The following PRPF18 variants were observed in gnomAD, a reference collection of about 807,000 sequenced individuals.
PRPF18 encodes the protein pre-mRNA-splicing factor 18.
Under a neutral mutation model 46.5 loss-of-function variants are expected in PRPF18, and 38 were observed. The ratio of observed to expected loss-of-function variants is 0.82; its 90% CI spans 0.63 to 1.07. The LOEUF (loss-of-function observed/expected upper bound fraction) is 1.07, where lower values mean the gene tolerates loss of function less well. PRPF18 is among the 50% of genes least tolerant of loss of function. PRPF18 has a pLI of 0.00. For synonymous variants in PRPF18, 152 were observed against 146.7 expected (o/e 1.04, Z -0.26); for missense variants, 263 against 410.0 (o/e 0.64, Z 3.10).
Position 13,610,379 on chromosome 10 carries a change from A to G in PRPF18, c.510+194A>G, listed in dbSNP as rs1306540418. Among the ~76,000 whole-genome samples the G allele has an allele frequency of 2.6e-5, 4 of 152,196 alleles. No homozygotes were observed. In the East Asian group the frequency reaches 7.7e-4, roughly 29 times the overall value. Reference sequence around the variant, plus strand: ...CACATTCCCCTACTTCCTGCCTTCAAAAGGAACCCATTCTAATATGTTGGA... The same window carrying G: ...CACATTCCCCTACTTCCTGCCTTCAGAAGGAACCCATTCTAATATGTTGGA... On this transcript the variant is annotated intron_variant, in intron 5 of 9. Transcript: ENST00000378572.
chr10:13,633,055 G>C (rs1008931868), downstream of PRPF18, among the ~76,000 whole-genome samples: 9 of 152,204 alleles, frequency 5.9e-5, no homozygotes, highest in African/African-American at 2.2e-4. Context: ...ATTTTTCAGT[G>C]TTGCAGCATA....
chr10:13,593,174 A>T (rs959616237), intron 1 of PRPF18, among the ~76,000 whole-genome samples: 1 of 152,268 alleles, frequency 6.6e-6, no homozygotes, highest in Non-Finnish European at 1.5e-5. Flanking sequence ...AAATAAAATT[A>T]GTAAGGAAAA....
intron 6 of PRPF18, 68 bp from the exon 7 acceptor site, chr10:13,613,673 A>C: frequency 6.7e-7 from 1 of 1,484,686 alleles, no homozygotes; most frequent in Non-Finnish European, 9.2e-7. Flanking sequence ...TTTGTGTGCT[A>C]GAGAGCATTT....
At chr10:13,592,860 A>G (rs544078187) in intron 1 of PRPF18, among the ~76,000 whole-genome samples, 3 of 152,344 alleles carry the variant, frequency 2.0e-5, no homozygotes, top group African/African-American at 7.2e-5. Context: ...GCAAGATACT[A>G]TGCTGTGCTG....
At chr10:13,610,362 C>G (rs1404631423) in intron 5 of PRPF18, among the ~76,000 whole-genome samples, 177 bp downstream of exon 5, 1 of 152,168 alleles carries the variant, frequency 6.6e-6, no homozygotes, top group Non-Finnish European at 1.5e-5. Flanking sequence ...CTCACATTCC[C>G]CTACTTCCTG....
chr10:13,592,174 C>T, intron 1 of PRPF18: 1 of 621,132 alleles, frequency 1.6e-6, no homozygotes, highest in Non-Finnish European at 3.0e-6. Flanking sequence ...ATTCCTCTGA[C>T]AAGGACAGGG....
intron 9 of PRPF18, among the ~76,000 whole-genome samples, chr10:13,627,679 GTT>G (rs1399307894): frequency 6.6e-6 from 1 of 152,192 alleles, no homozygotes; most frequent in African/African-American, 2.4e-5. Context: ...AAACAATTGA[GTT>G]TCACAACCCT....
rs2080250251 is a variant in PRPF18 at position 13,610,172 on chromosome 10, T to C, written c.497T>C (p.Ile166Thr). ...AAAGTTCATGAGGAAAACACCACAA[T>C]TGAAGAGTTAGAGGTAATCTCTACA... Reference protein sequence around the residue: ...DLKVHEENTTIEELEALGESL... With the variant: ...DLKVHEENTTTEELEALGESL... Residue 166 changes from isoleucine (I) to threonine (T), a missense_variant, in exon 5 of 10, where the codon ATT becomes ACT. Coordinates refer to ENST00000378572, the MANE Select transcript of PRPF18 (RefSeq NM_003675.4). 3 of 1,614,022 alleles carry C rather than the reference T, an allele frequency of 1.9e-6. No homozygotes were observed. The highest frequency in any genetic ancestry group is 2.5e-6 in the Non-Finnish European group (3 of 1,179,922).
the PRPF18 span, chr10:13,644,822 G>T: frequency 6.6e-6 from 1 of 152,032 alleles, no homozygotes; most frequent in Admixed American, 6.6e-5. Context: ...ACTGTTCTTT[G>T]TAGCTCTAAC....
At position 13,596,788 on chromosome 10, in the gene PRPF18, G is replaced by A. The variant is rs139961773; in HGVS notation, c.67-670G>A. Among the ~76,000 whole-genome samples, 7 of 152,204 alleles carry A rather than the reference G, an allele frequency of 4.6e-5. No individual in the cohort carries two copies. The East Asian group carries it at 1.2e-3, about 25-fold the overall frequency. On this transcript the variant is annotated intron_variant, in intron 1 of 9. Coordinates refer to ENST00000378572, the MANE Select transcript of PRPF18 (RefSeq NM_003675.4). ...GAGGATCATTTGAACCCAGGGAGTC[G>A]AAGTTGTGGCCTTGATTGTGCCACT...
Position 13,618,615 on chromosome 10 carries a change from C to CAAA in PRPF18, c.948+2086_948+2088dup, listed in dbSNP as rs68069523. Among the ~76,000 whole-genome samples the CAAA allele has an allele frequency of 6.8e-4, 27 of 39,986 alleles. No homozygotes were observed. In the South Asian group the frequency reaches 0.013, roughly 19 times the overall value. 26.2% of individuals were successfully genotyped at this position (39,986 alleles called of 152,430 possible). On this transcript the variant is annotated intron_variant, in intron 9 of 9. Transcript: ENST00000378572. ...CACTTCAGACAGAGCAAGACCCTGTCAAAAAAAAAAAAAAAAAAAAAAAAA... is the reference window on the plus strand; with the variant it reads ...CACTTCAGACAGAGCAAGACCCTGTCAAAAAAAAAAAAAAAAAAAAAAAAAAAA...
chr10:13,652,314 G>T, the PRPF18 span: 1 of 349,576 alleles, frequency 2.9e-6, no homozygotes, highest in South Asian at 3.1e-5. Flanking sequence ...CAGGTTTCAA[G>T]ACCATCTTAA....
At chr10:13,623,652 T>C (rs1296083050) in intron 9 of PRPF18, among the ~76,000 whole-genome samples, 1 of 151,692 alleles carries the variant, frequency 6.6e-6, no homozygotes, top group Non-Finnish European at 1.5e-5. Flanking sequence ...TCTAATGATA[T>C]ATTAAAGAGG....
At chr10:13,593,359 C>T (rs1434760008) in intron 1 of PRPF18, among the ~76,000 whole-genome samples, 4 of 152,120 alleles carry the variant, frequency 2.6e-5, no homozygotes, top group African/African-American at 4.8e-5. Context: ...GCAGTTAAAT[C>T]GAAGACTGGA....
At chr10:13,639,007 A>G in the PRPF18 span, 1 of 152,318 alleles carries the variant, frequency 6.6e-6, no homozygotes, top group East Asian at 1.9e-4. Flanking sequence ...CTTCAAAATC[A>G]TCAAGTGACT....
At chr10:13,618,270 A>G (rs928806178) in intron 9 of PRPF18, among the ~76,000 whole-genome samples, 1 of 152,162 alleles carries the variant, frequency 6.6e-6, no homozygotes, top group African/African-American at 2.4e-5. Flanking sequence ...AGGAAGGATT[A>G]CCATAAGAAA....
intron 1 of PRPF18, among the ~76,000 whole-genome samples, chr10:13,595,433 T>C (rs901226199): frequency 1.3e-5 from 2 of 152,196 alleles, no homozygotes; most frequent in African/African-American, 2.4e-5. Flanking sequence ...GATACCAATG[T>C]GTGTTTGCCA....
chr10:13,629,734 C>T (rs1215078360), intron 9 of PRPF18, among the ~76,000 whole-genome samples: 1 of 152,204 alleles, frequency 6.6e-6, no homozygotes, highest in African/African-American at 2.4e-5. Flanking sequence ...CCAACCAGAG[C>T]CCCTCATCTT....
Position 13,630,365 on chromosome 10 carries a change from C to T in PRPF18, c.*25C>T, listed in dbSNP as rs2080578385. The T allele has an allele frequency of 6.5e-7, 1 of 1,549,748 alleles. No individual in the cohort carries two copies. Among genetic ancestry groups the T allele is most frequent in the Non-Finnish European group, 8.9e-7 (1 of 1,126,842 alleles). On this transcript the variant is annotated 3_prime_UTR_variant, in exon 10 of 10. Coordinates refer to ENST00000378572, the MANE Select transcript of PRPF18 (RefSeq NM_003675.4). ...AGATCTGTGTATGGTGTGTTAATAACAATAAGAAACTTAGGGAAGCAGGCT... is the reference window on the plus strand; with the variant it reads ...AGATCTGTGTATGGTGTGTTAATAATAATAAGAAACTTAGGGAAGCAGGCT...
Sources: gnomAD v4.1 joint callset for allele counts (sites outside exome capture counted in the v4.1 genomes callset) on GRCh38, gnomAD v4.1.1 for gene constraint, MANE v1.5 for transcripts, NCBI Gene and HGNC (gene_info 2026-07-23, HGNC 2026-07-21) for gene names.